WWOX: variants seen among roughly 807,000 people sequenced by gnomAD.
WWOX encodes the protein WW domain containing oxidoreductase.
A neutral mutation model predicts 46.2 loss-of-function variants in WWOX; 69 were observed. The observed-to-expected ratio is 1.49, with a 90% CI of 1.23 to 1.82. The LOEUF is 1.82. Ranked by LOEUF, WWOX falls within the 40% of genes most tolerant of loss-of-function variation. WWOX has a pLI of 0.00. For synonymous variants in WWOX, 359 were observed against 202.6 expected, an observed-to-expected ratio of 1.77 and a Z score of -6.56; for missense variants, 919 against 542.6, an observed-to-expected ratio of 1.69 and a Z score of -6.89.
At chr16:78,890,243 C>A (rs2044559713) in intron 8 of WWOX, 1 of 151,660 alleles carries the variant, frequency 6.6e-6, no homozygotes, top group Non-Finnish European at 1.5e-5. Flanking sequence ...AATGGAAGTT[C>A]TGAAAATAAA....
At position 79,165,765 on chromosome 16, in the gene WWOX, C is replaced by T. The variant is rs77960243; in HGVS notation, c.1057-45843C>T. Among the ~76,000 whole-genome samples, 446 of 152,288 alleles carry T rather than the reference C, an allele frequency of 2.9e-3. 2 individuals carry two copies. The highest frequency in any genetic ancestry group is 1.0e-2 in the African/African-American group (415 of 41,556). On this transcript the variant is annotated intron_variant, in intron 8 of 8. Transcript: ENST00000566780. ...ACAGGCCAAGCTCGGCTAGTCAAAG[C>T]ATTACTTTGTCACAGGCAGGCTTGG...
intron 5 of WWOX, among the ~76,000 whole-genome samples, chr16:78,258,738 A>G (rs1050728365): frequency 1.3e-5 from 2 of 149,240 alleles, no homozygotes; most frequent in African/African-American, 2.5e-5. Flanking sequence ...AAAAAAGGGC[A>G]TATTCCCTAG....
chr16:78,834,514 C>T (rs1399151227), intron 8 of WWOX, among the ~76,000 whole-genome samples: 1 of 152,102 alleles, frequency 6.6e-6, no homozygotes, highest in Non-Finnish European at 1.5e-5. Flanking sequence ...AGTGTATCCT[C>T]AGGAGGTCTG....
At chr16:79,211,353 C>G (rs1215529890) in intron 8 of WWOX, among the ~76,000 whole-genome samples, 1 of 152,142 alleles carries the variant, frequency 6.6e-6, no homozygotes, top group Non-Finnish European at 1.5e-5. Flanking sequence ...ATTTATTTTC[C>G]AAGCCTGTCC....
chr16:79,184,540 C>G (rs1006369092), intron 8 of WWOX, among the ~76,000 whole-genome samples: 1 of 152,280 alleles, frequency 6.6e-6, no homozygotes, highest in South Asian at 2.1e-4. Context: ...TTTCCCTGAC[C>G]CTGCCTCTGA....
intron 8 of WWOX, among the ~76,000 whole-genome samples, chr16:78,482,158 GT>G (rs998217509): frequency 2.0e-5 from 3 of 152,248 alleles, no homozygotes; most frequent in African/African-American, 7.2e-5. Context: ...TTACATCACA[GT>G]TCCACAGCCC....
intron 8 of WWOX, among the ~76,000 whole-genome samples, chr16:78,752,289 C>A (rs1353904622): frequency 2.0e-5 from 3 of 152,138 alleles, no homozygotes; most frequent in East Asian, 3.9e-4. Flanking sequence ...GATATTCTTT[C>A]TTTCCTTTTT....
chr16:78,897,758 A>G lies in WWOX; in HGVS notation c.1057-313850A>G, dbSNP rs561194004. 11 of 149,052 alleles carry G rather than the reference A, an allele frequency of 7.4e-5. No individual in the cohort carries two copies. The East Asian group carries it at 1.8e-3, about 25-fold the overall frequency. 9.2% of individuals were successfully genotyped at this position (149,052 alleles called of 1,614,324 possible). ...AAGAATGCTGCCAAACAGTTGTCTA[A>G]AGTAATTGTATCATTTTAACCCCCC... On this transcript the variant is annotated intron_variant, in intron 8 of 8. Coordinates refer to ENST00000566780, the MANE Select transcript of WWOX (RefSeq NM_016373.4).
At chr16:78,533,999 C>G (rs2043695587) in intron 8 of WWOX, among the ~76,000 whole-genome samples, 1 of 152,202 alleles carries the variant, frequency 6.6e-6, no homozygotes, top group East Asian at 1.9e-4. Flanking sequence ...TTTGCCAAAA[C>G]TAGAGGATGA....
intron 8 of WWOX, among the ~76,000 whole-genome samples, chr16:78,782,428 G>A (rs9931539): frequency 0.32 from 47,900 of 151,928 alleles, 7,978 homozygotes; most frequent in South Asian, 0.38. Context: ...TTATGCTGGG[G>A]CAACGCTACC....
chr16:78,309,230 C>T (rs898637339), intron 5 of WWOX, among the ~76,000 whole-genome samples: 4 of 152,214 alleles, frequency 2.6e-5, no homozygotes, highest in Admixed American at 1.3e-4. Context: ...AGTGAGTTCT[C>T]ACGTGATCCG....
At chr16:78,336,167 T>A (rs2080883689) in intron 5 of WWOX, among the ~76,000 whole-genome samples, 1 of 152,000 alleles carries the variant, frequency 6.6e-6, no homozygotes, top group African/African-American at 2.4e-5. Flanking sequence ...CTACTTGTCT[T>A]GGCCAATGAA....
intron 5 of WWOX, among the ~76,000 whole-genome samples, chr16:78,311,613 G>T (rs1476556407): frequency 6.6e-6 from 1 of 152,212 alleles, no homozygotes; most frequent in Non-Finnish European, 1.5e-5. Flanking sequence ...AGATGAGTGG[G>T]CCTAAAGAAT....
intron 5 of WWOX, among the ~76,000 whole-genome samples, chr16:78,350,999 A>T (rs186495374): frequency 1.8e-5 from 1 of 56,132 alleles, no homozygotes; most frequent in Non-Finnish European, 5.7e-5. Context: ...TTTATTGGGT[A>T]TGAAGCGGTA....
chr16:78,875,706 A>G (rs751692301), intron 8 of WWOX, among the ~76,000 whole-genome samples: 12 of 152,200 alleles, frequency 7.9e-5, no homozygotes, highest in African/African-American at 2.4e-4. Context: ...TCTAAGCCAC[A>G]GTGGCAATTT....
chr16:78,159,215 A>G (rs960460227), intron 4 of WWOX, among the ~76,000 whole-genome samples: 1 of 151,978 alleles, frequency 6.6e-6, no homozygotes, highest in African/African-American at 2.4e-5. Context: ...ATCAGTAGAA[A>G]TTTAGGCTGC....
At chr16:78,917,874 G>T (rs1187227777) in intron 8 of WWOX, among the ~76,000 whole-genome samples, 1 of 152,216 alleles carries the variant, frequency 6.6e-6, no homozygotes, top group Admixed American at 6.5e-5. Flanking sequence ...TCCTAAGTGA[G>T]ATCTTGTTTT....
At chr16:78,557,679 C>T (rs147822403) in intron 8 of WWOX, among the ~76,000 whole-genome samples, 1,305 of 126,338 alleles carry the variant, frequency 0.01, 18 homozygotes, top group Middle Eastern at 0.058. Flanking sequence ...GTGCATTCCT[C>T]TAGGGAAGGA....
At chr16:79,039,771 T>G (rs1442240232) in intron 8 of WWOX, among the ~76,000 whole-genome samples, 3 of 152,180 alleles carry the variant, frequency 2.0e-5, no homozygotes, top group Non-Finnish European at 4.4e-5. Context: ...TTCAGTTTTC[T>G]CACCTCGAAA....
Sources: gnomAD v4.1 joint callset for allele counts (sites outside exome capture counted in the v4.1 genomes callset) on GRCh38, gnomAD v4.1.1 for gene constraint, MANE v1.5 for transcripts, NCBI Gene and HGNC (gene_info 2026-07-23, HGNC 2026-07-21) for gene names.